Variants in ATP13A5 observed in about 807,000 individuals in gnomAD.
ATP13A5 encodes ATPase 13A5.
In ATP13A5, 149 loss-of-function variants were observed where a neutral mutation model predicts 150.2. The ratio of observed to expected loss-of-function variants is 0.99; its 90% CI spans 0.87 to 1.14. ATP13A5 has a LOEUF of 1.14. Among genes scored for constraint, ATP13A5 ranks in the 50% most tolerant of loss-of-function variants. The pLI is 0.00. For missense variants in ATP13A5, 1,383 were observed against 1,449.3 expected (o/e 0.95, Z 0.74); for synonymous variants, 497 against 522.2 (o/e 0.95, Z 0.66).
At chr3:193,325,340 T>A (rs1264798044) in intron 13 of ATP13A5, among the ~76,000 whole-genome samples, 1 of 152,236 alleles carries the variant, frequency 6.6e-6, no homozygotes, top group East Asian at 1.9e-4. Flanking sequence ...GTTTCTTTAT[T>A]TTTTAAACAG....
intron 9 of ATP13A5, among the ~76,000 whole-genome samples, chr3:193,343,695 CAT>C (rs10600426): frequency 0.053 from 8,068 of 152,262 alleles, 625 homozygotes; most frequent in African/African-American, 0.17. Context: ...CAATTAATCA[CAT>C]GTCATATTAA....
At chr3:193,284,724 G>A (rs1717645002) in intron 27 of ATP13A5, among the ~76,000 whole-genome samples, 190 bp downstream of exon 27, 1 of 152,188 alleles carries the variant, frequency 6.6e-6, no homozygotes, top group South Asian at 2.1e-4. Context: ...TAATGTCTGT[G>A]CTTATCTGCA....
At chr3:193,286,837 A>G (rs372933249) in intron 26 of ATP13A5, among the ~76,000 whole-genome samples, 2 of 152,318 alleles carry the variant, frequency 1.3e-5, no homozygotes, top group East Asian at 3.9e-4. Flanking sequence ...TCAAAATCCA[A>G]GACAGGCCAA....
chr3:193,295,940 A>G (rs1283104953), intron 25 of ATP13A5, among the ~76,000 whole-genome samples: 1 of 152,152 alleles, frequency 6.6e-6, no homozygotes, highest in Non-Finnish European at 1.5e-5. Context: ...CCACTGTTAG[A>G]GAGACTGGAA....
At chr3:193,354,016 C>A (rs1377855417) in intron 6 of ATP13A5, 111 bp downstream of exon 6, 93 of 827,136 alleles carry the variant, frequency 1.1e-4, no homozygotes, top group Non-Finnish European at 1.5e-4. Context: ...AAAGAAGTCG[C>A]ATGAAACAAG....
At position 193,279,268 on chromosome 3, in the gene ATP13A5, G is replaced by T. The variant is rs1717369000; in HGVS notation, c.3315+98C>A. 5.3e-6 allele frequency: 5 copies of T among 939,884 alleles called. No individual in the cohort carries two copies. The South Asian group carries it at 7.6e-5, about 14-fold the overall frequency. 58.2% of individuals were successfully genotyped at this position (939,884 alleles called of 1,614,324 possible). A position where few individuals can be genotyped will look rare whatever the true frequency, so the allele number is the denominator to read the frequency against. On this transcript the variant is annotated intron_variant, in intron 28 of 29. Coordinates refer to ENST00000342358, the MANE Select transcript of ATP13A5 (RefSeq NM_198505.4). ...TAGAAATAGCCTCACAGTATTTGGTGGTCAAAGAGAATACAGTAATAATTG... is the reference window on the plus strand; with the variant it reads ...TAGAAATAGCCTCACAGTATTTGGTTGTCAAAGAGAATACAGTAATAATTG...
At chr3:193,319,400 T>C (rs1002155401) in intron 16 of ATP13A5, among the ~76,000 whole-genome samples, 1 of 152,204 alleles carries the variant, frequency 6.6e-6, no homozygotes, top group Non-Finnish European at 1.5e-5. Flanking sequence ...TATTTGGAGG[T>C]GGGGCCTTCA....
At chr3:193,361,539 G>T (rs894075428) in intron 5 of ATP13A5, among the ~76,000 whole-genome samples, 26 of 152,242 alleles carry the variant, frequency 1.7e-4, no homozygotes, top group Middle Eastern at 3.4e-3. Context: ...GACTGTAAAG[G>T]TTAAGCAGAC....
intron 3 of ATP13A5, 32 bp from the exon 4 acceptor site, chr3:193,362,669 A>G (rs760955636): frequency 1.3e-5 from 21 of 1,601,926 alleles, no homozygotes; most frequent in Non-Finnish European, 1.6e-5. Flanking sequence ...AGCAGGTGTC[A>G]TTCACAGCAT....
At chr3:193,317,343 A>G (rs1480386040) in intron 17 of ATP13A5, among the ~76,000 whole-genome samples, 3 of 152,186 alleles carry the variant, frequency 2.0e-5, no homozygotes, top group Non-Finnish European at 4.4e-5. Context: ...TAGTGGGATA[A>G]TATTTTATGG....
At chr3:193,295,381 A>G (rs578116482) in intron 25 of ATP13A5, among the ~76,000 whole-genome samples, 1 of 152,110 alleles carries the variant, frequency 6.6e-6, no homozygotes, top group Admixed American at 6.6e-5. Flanking sequence ...CATGCCTAGT[A>G]TCTTTCTCCT....
chr3:193,369,013 G>T (rs888711389), intron 1 of ATP13A5, among the ~76,000 whole-genome samples: 5 of 152,180 alleles, frequency 3.3e-5, no homozygotes, highest in African/African-American at 1.2e-4. Flanking sequence ...GGAAGCTGAG[G>T]CTGGAGGATT....
chr3:193,368,962 G>A (rs1713347683), intron 1 of ATP13A5, among the ~76,000 whole-genome samples: 1 of 152,202 alleles, frequency 6.6e-6, no homozygotes, highest in Non-Finnish European at 1.5e-5. Flanking sequence ...AAAAGCTTCT[G>A]GCTGGGCACA....
At chr3:193,351,242 C>A (rs969338028) in intron 6 of ATP13A5, 41 bp from the exon 7 acceptor site, 1 of 1,604,148 alleles carries the variant, frequency 6.2e-7, no homozygotes, top group Non-Finnish European at 8.5e-7. Context: ...TTGCATGAAC[C>A]TTAGTAGCAA....
At chr3:193,346,159 T>C (rs1231170578) in intron 7 of ATP13A5, among the ~76,000 whole-genome samples, 1 of 152,144 alleles carries the variant, frequency 6.6e-6, no homozygotes, top group Non-Finnish European at 1.5e-5. Context: ...TTAAGGTATT[T>C]TATTCTTATA....
rs545669190 is a variant in ATP13A5 at position 193,319,245 on chromosome 3, C to G, written c.1916-137G>C. 2.5e-4 allele frequency: 156 copies of G among 634,862 alleles called. 1 individual carries two copies. The African/African-American group carries it at 2.7e-3, about 11-fold the overall frequency. 39.3% of individuals were successfully genotyped at this position (634,862 alleles called of 1,614,324 possible). A position where few individuals can be genotyped will look rare whatever the true frequency, so the allele number is the denominator to read the frequency against. On this transcript the variant is annotated intron_variant, in intron 16 of 29. Coordinates refer to ENST00000342358, the MANE Select transcript of ATP13A5 (RefSeq NM_198505.4). ...CTTTAATAGAAAACTTAGAGCTTCTCCTAAAGGCCACAAACAACTTCATCA... is the reference window on the plus strand; with the variant it reads ...CTTTAATAGAAAACTTAGAGCTTCTGCTAAAGGCCACAAACAACTTCATCA...
At chr3:193,333,154 C>A (rs1176296548) in intron 11 of ATP13A5, among the ~76,000 whole-genome samples, 1 of 150,454 alleles carries the variant, frequency 6.6e-6, no homozygotes, top group Non-Finnish European at 1.5e-5. Context: ...CACACACACA[C>A]ACAAACACAC....
intron 21 of ATP13A5, among the ~76,000 whole-genome samples, chr3:193,308,472 A>C (rs1487173473): frequency 6.6e-6 from 1 of 152,190 alleles, no homozygotes; most frequent in African/African-American, 2.4e-5. Context: ...AACAAAAAAA[A>C]GTCAAATGTA....
At chr3:193,340,309 T>G (rs1487726122) in intron 9 of ATP13A5, among the ~76,000 whole-genome samples, 2 of 152,188 alleles carry the variant, frequency 1.3e-5, no homozygotes, top group African/African-American at 4.8e-5. Context: ...CTCTTTTAAC[T>G]TGGTGACACC....
Sources: allele counts gnomAD v4.1 joint callset (sites outside exome capture counted in the v4.1 genomes callset), GRCh38; gene constraint gnomAD v4.1.1; transcripts MANE v1.5; gene names NCBI Gene and HGNC (gene_info 2026-07-23, HGNC 2026-07-21).